The following SPOCK3 variants were observed in gnomAD, a reference collection of about 807,000 sequenced individuals.
The protein encoded by SPOCK3 is SPARC (osteonectin), cwcv and kazal like domains proteoglycan 3.
Under a neutral mutation model 56.6 loss-of-function variants are expected in SPOCK3, and 30 were observed. The ratio of observed to expected loss-of-function variants is 0.53; its 90% CI spans 0.40 to 0.72. The LOEUF is 0.72. Ranked by LOEUF, SPOCK3 falls within the 30% of genes least tolerant of loss-of-function variation. The probability of loss-of-function intolerance (pLI) is 0.00; values close to 1 mark genes in which losing one functional copy is unlikely to be tolerated. For missense variants in SPOCK3, 527 were observed against 530.0 expected (o/e 0.99, Z 0.06); for synonymous variants, 196 against 183.3 (o/e 1.07, Z -0.56).
At chr4:167,029,706 T>G (rs1052916439) in intron 3 of SPOCK3, among the ~76,000 whole-genome samples, 1 of 152,056 alleles carries the variant, frequency 6.6e-6, no homozygotes, top group Non-Finnish European at 1.5e-5. Context: ...GTTTATGATT[T>G]TTCTTTATAT....
chr4:167,122,511 G>C (rs1403177167), intron 2 of SPOCK3, among the ~76,000 whole-genome samples: 1 of 152,202 alleles, frequency 6.6e-6, no homozygotes, highest in African/African-American at 2.4e-5. Context: ...TATAGATAGA[G>C]AGGAAAAGTC....
chr4:167,174,203 A>T (rs557214726), intron 2 of SPOCK3, among the ~76,000 whole-genome samples: 1 of 152,256 alleles, frequency 6.6e-6, no homozygotes, highest in South Asian at 2.1e-4. Context: ...ATATTAGTGT[A>T]TGATTTGTCC....
intron 7 of SPOCK3, among the ~76,000 whole-genome samples, chr4:166,786,499 G>A (rs1001180522): frequency 6.6e-6 from 1 of 152,100 alleles, no homozygotes; most frequent in Non-Finnish European, 1.5e-5. Context: ...TGGATCATGA[G>A]ATTAGGAAAA....
intron 2 of SPOCK3, among the ~76,000 whole-genome samples, chr4:167,205,295 C>CTATAATATATATTATATATATTTTATATA (rs1733993202): frequency 7.3e-5 from 2 of 27,442 alleles, no homozygotes; most frequent in African/African-American, 1.5e-4. Context: ...TATTTTATAT[C>CTATAATATATATTATATATATTTTATATA]TATAATATAT....
At chr4:166,888,124 T>A (rs992185616) in intron 6 of SPOCK3, among the ~76,000 whole-genome samples, 4 of 152,122 alleles carry the variant, frequency 2.6e-5, no homozygotes, top group African/African-American at 4.8e-5. Context: ...GGAAGTTATA[T>A]CTGTAATAAA....
chr4:166,772,384 G>A (rs1008717513), intron 7 of SPOCK3, among the ~76,000 whole-genome samples: 5 of 151,950 alleles, frequency 3.3e-5, no homozygotes, highest in Non-Finnish European at 5.9e-5. Flanking sequence ...GAATTGCAAT[G>A]TGACCTCCTA....
Position 166,869,658 on chromosome 4 carries a change from C to T in SPOCK3, c.589+19472G>A, listed in dbSNP as rs1271880987. 6.8e-5 allele frequency among the ~76,000 whole-genome samples: 10 copies of T among 146,352 alleles called. No homozygotes were observed. The East Asian group carries it at 2.0e-3, about 30-fold the overall frequency. On this transcript the variant is annotated intron_variant, in intron 6 of 10. Coordinates refer to ENST00000357545, the MANE Select transcript of SPOCK3 (RefSeq NM_001040159.2). ...TGTGTGTGTGTGTGTTTGAGATTTACAGTTTTACCTCCAACATGTAAGGAG... is the reference window on the plus strand; with the variant it reads ...TGTGTGTGTGTGTGTTTGAGATTTATAGTTTTACCTCCAACATGTAAGGAG...
chr4:166,853,219 C>CA (rs1351051602), intron 6 of SPOCK3, among the ~76,000 whole-genome samples: 6 of 151,928 alleles, frequency 3.9e-5, no homozygotes, highest in Non-Finnish European at 5.9e-5. Context: ...TTATTCAACA[C>CA]AAAAAACAGT....
At chr4:166,976,117 A>G (rs1579866686) in intron 4 of SPOCK3, among the ~76,000 whole-genome samples, 1 of 151,864 alleles carries the variant, frequency 6.6e-6, no homozygotes, top group East Asian at 1.9e-4. Context: ...CACCCACCAC[A>G]CACACACACA....
intron 3 of SPOCK3, among the ~76,000 whole-genome samples, chr4:167,013,057 G>T (rs1263499680): frequency 6.6e-6 from 1 of 151,902 alleles, no homozygotes; most frequent in Non-Finnish European, 1.5e-5. Context: ...TATTACTTCA[G>T]TTGTATAAAA....
intron 4 of SPOCK3, among the ~76,000 whole-genome samples, chr4:166,930,184 T>TAA: frequency 6.6e-6 from 1 of 151,856 alleles, no homozygotes; most frequent in East Asian, 1.9e-4. Flanking sequence ...CTAATCTTTG[T>TAA]AAAAAAAAGG....
At chr4:167,180,884 T>C in intron 2 of SPOCK3, among the ~76,000 whole-genome samples, 1 of 152,210 alleles carries the variant, frequency 6.6e-6, no homozygotes, top group Non-Finnish European at 1.5e-5. Context: ...TAAGTAGATA[T>C]GGAACCATTA....
intron 2 of SPOCK3, among the ~76,000 whole-genome samples, chr4:167,194,598 C>T (rs557669602): frequency 3.9e-5 from 6 of 152,300 alleles, no homozygotes; most frequent in African/African-American, 1.2e-4. Flanking sequence ...AAGACCTTTT[C>T]CTGTTTTAGT....
chr4:166,851,505 T>C (rs973668513), intron 6 of SPOCK3, among the ~76,000 whole-genome samples: 181 of 152,276 alleles, frequency 1.2e-3, no homozygotes, highest in African/African-American at 4.0e-3. Flanking sequence ...AGGCTTCAGA[T>C]GATCAAATTA....
intron 2 of SPOCK3, among the ~76,000 whole-genome samples, chr4:167,091,123 T>G (rs576485236): frequency 2.0e-5 from 3 of 152,304 alleles, no homozygotes; most frequent in South Asian, 2.1e-4. Context: ...CATTTCACAC[T>G]GAACTACTGC....
intron 8 of SPOCK3, among the ~76,000 whole-genome samples, chr4:166,753,156 G>C (rs193179891): frequency 2.6e-5 from 2 of 77,260 alleles, no homozygotes; most frequent in East Asian, 5.1e-4. Flanking sequence ...TTAAATGTTT[G>C]TGTATAGACA....
At chr4:167,113,085 A>G (rs1413768663) in intron 2 of SPOCK3, among the ~76,000 whole-genome samples, 2 of 152,124 alleles carry the variant, frequency 1.3e-5, no homozygotes, top group African/African-American at 4.8e-5. Context: ...ACATGTCAAG[A>G]GAAGAAGTGC....
chr4:167,234,447 C>T lies in SPOCK3; in HGVS notation c.-1+3G>A. 1 of 546,468 alleles carries T rather than the reference C, an allele frequency of 1.8e-6. No homozygotes were observed. The highest frequency in any genetic ancestry group is 2.2e-5 in the South Asian group (1 of 45,648). The allele number at this position is 546,468 out of a possible 1,614,324, so 33.9% of individuals were successfully genotyped here. ...GGCACAAAACCGCTTCCTGGCACAT[C>T]ACCTTGTTGTGAGCCAGCACTGTGC... On this transcript the variant is annotated splice_donor_region_variant and intron_variant, in intron 1 of 10. Transcript: ENST00000357545.
chr4:167,222,074 A>T (rs1417987548), intron 2 of SPOCK3, among the ~76,000 whole-genome samples: 1 of 152,158 alleles, frequency 6.6e-6, no homozygotes, highest in South Asian at 2.1e-4. Flanking sequence ...TTATTGACAG[A>T]TAAGTGGACA....
Sources: gnomAD v4.1 joint callset for allele counts (sites outside exome capture counted in the v4.1 genomes callset) on GRCh38, gnomAD v4.1.1 for gene constraint, MANE v1.5 for transcripts, NCBI Gene and HGNC (gene_info 2026-07-23, HGNC 2026-07-21) for gene names.